HBS1L: variants seen among roughly 807,000 people sequenced by gnomAD.
HBS1L encodes the protein HBS1 like translational GTPase.
HBS1L carries 55 observed loss-of-function variants against 88.9 expected under a neutral mutation model. That is an observed-to-expected ratio of 0.62 (90% CI 0.50 to 0.77). HBS1L has a LOEUF of 0.77. Ranked by LOEUF, HBS1L falls within the 30% of genes least tolerant of loss-of-function variation. The pLI is 0.00. For synonymous variants in HBS1L, 267 were observed against 288.5 expected, an observed-to-expected ratio of 0.93 and a Z score of 0.76; for missense variants, 741 against 829.3, an observed-to-expected ratio of 0.89 and a Z score of 1.31.
intron 15 of HBS1L, among the ~76,000 whole-genome samples, chr6:134,970,129 C>T (rs1360405022): frequency 1.3e-5 from 2 of 151,966 alleles, no homozygotes; most frequent in Non-Finnish European, 2.9e-5. Flanking sequence ...AACTTTGGGG[C>T]AAGTTATTTT....
intron 4 of HBS1L, chr6:135,037,180 G>A: frequency 6.4e-7 from 1 of 1,551,690 alleles, no homozygotes; most frequent in Non-Finnish European, 8.7e-7. Flanking sequence ...TGATATTCCG[G>A]GTGAAGACTG....
chr6:134,980,343 AAAG>A lies in HBS1L; in HGVS notation c.1598-1078_1598-1076del, dbSNP rs545438097. Among the ~76,000 whole-genome samples the A allele has an allele frequency of 5.0e-3, 756 of 152,136 alleles. 4 individuals carry two copies. The highest frequency in any genetic ancestry group is 0.017 in the African/African-American group (714 of 41,544). On this transcript the variant is annotated intron_variant, in intron 13 of 17. Coordinates refer to ENST00000367837, the MANE Select transcript of HBS1L (RefSeq NM_006620.4). ...TGTGCACATCTGCATTAATCTGAGA[AAAG>A]AAGGCATAACTTTCTTCAGGTATCA...
At chr6:135,031,105 T>C (rs1290616074) in intron 4 of HBS1L, among the ~76,000 whole-genome samples, 1 of 152,130 alleles carries the variant, frequency 6.6e-6, no homozygotes, top group Non-Finnish European at 1.5e-5. Context: ...GTGCTTAGTA[T>C]TCTAAACACA....
At chr6:134,965,769 C>T (rs1174413118) in intron 17 of HBS1L, among the ~76,000 whole-genome samples, 1 of 152,172 alleles carries the variant, frequency 6.6e-6, no homozygotes, top group Non-Finnish European at 1.5e-5. Context: ...TCTTCACCTC[C>T]ACCCCACACC....
At position 134,978,766 on chromosome 6, in the gene HBS1L, G is replaced by A; in HGVS notation, c.1710C>T (p.Gly570=). The A allele has an allele frequency of 6.2e-7, 1 of 1,605,952 alleles. No individual in the cohort carries two copies. The highest frequency in any genetic ancestry group is 8.5e-7 in the Non-Finnish European group (1 of 1,175,550). ...TGCAAGCTTTAATGGGTACTTTGGG[G>A]CCACAAAATATGCAGCCAACACTGT... ...IKINVGCIFC[G]PKVPIKACTR... Residue 570 remains glycine (G), a synonymous_variant, in exon 15 of 18, where the codon GGC becomes GGT. Coordinates refer to ENST00000367837, the MANE Select transcript of HBS1L (RefSeq NM_006620.4).
rs538337722 is a variant in HBS1L at position 134,964,904 on chromosome 6, C to T, written c.*375G>A. On this transcript the variant is annotated 3_prime_UTR_variant, in exon 18 of 18. Transcript: ENST00000367837. ...AAGTTACTTTTCCTTAAAACATGTGCAGTATAATTGAATCAAAAGAGAAAA... is the reference window on the plus strand; with the variant it reads ...AAGTTACTTTTCCTTAAAACATGTGTAGTATAATTGAATCAAAAGAGAAAA... The T allele has an allele frequency of 1.1e-5, 2 of 186,354 alleles. No homozygotes were observed. Among genetic ancestry groups the T allele is most frequent in the African/African-American group, 4.8e-5 (2 of 41,550 alleles). The allele number at this position is 186,354 out of a possible 1,614,324, so 11.5% of individuals were successfully genotyped here. A position where few individuals can be genotyped will look rare whatever the true frequency, so the allele number is the denominator to read the frequency against.
At position 134,970,459 on chromosome 6, in the gene HBS1L, AC is replaced by A. The variant is rs572420060; in HGVS notation, c.1798-1122del. On this transcript the variant is annotated intron_variant, in intron 15 of 17. Coordinates refer to ENST00000367837, the MANE Select transcript of HBS1L (RefSeq NM_006620.4). ...GGGGCAATTTCTTTAACAATCTTCC[AC>A]CCCTAAAATCCCCAGCCTCTGGTTC... Among the ~76,000 whole-genome samples the A allele has an allele frequency of 1.1e-4, 16 of 152,072 alleles. No individual in the cohort carries two copies. In the East Asian group the frequency reaches 2.9e-3, roughly 28 times the overall value.
chr6:134,986,313 GA>G, intron 10 of HBS1L, 130 bp from the exon 11 acceptor site: 1 of 616,988 alleles, frequency 1.6e-6, no homozygotes. Flanking sequence ...AGAAATCACA[GA>G]ACTACAGCCC....
intron 1 of HBS1L, among the ~76,000 whole-genome samples, chr6:135,052,962 A>G (rs994270113): frequency 1.3e-5 from 2 of 152,236 alleles, no homozygotes; most frequent in African/African-American, 4.8e-5. Context: ...TGAGAATTCA[A>G]GAGAAAGCCT....
intron 4 of HBS1L, among the ~76,000 whole-genome samples, chr6:135,025,061 G>T (rs1385809524): frequency 6.6e-6 from 1 of 152,082 alleles, no homozygotes; most frequent in East Asian, 1.9e-4. Context: ...TGAAAAGGGG[G>T]TATCTAATCT....
chr6:134,997,539 G>A lies in HBS1L; in HGVS notation c.657C>T (p.Pro219=), dbSNP rs751829633. Residue 219 remains proline (P), a synonymous_variant, in exon 6 of 18, where the codon CCC becomes CCT. Coordinates refer to ENST00000367837, the MANE Select transcript of HBS1L (RefSeq NM_006620.4). ...GCTCTTCTGATGCTTGAATCGTGTG[G>A]GGTGGATTAGCAGATTTAGAAGCAG... The part of the protein sequence containing the change: ...LETASKSANP[P]HTIQASEEQS... 3 of 1,614,040 alleles carry A rather than the reference G, an allele frequency of 1.9e-6. No individual in the cohort carries two copies. In the South Asian group the frequency reaches 3.3e-5, roughly 18 times the overall value.
intron 4 of HBS1L, among the ~76,000 whole-genome samples, chr6:135,015,972 C>A (rs1230916785): frequency 6.6e-6 from 1 of 151,110 alleles, no homozygotes; most frequent in African/African-American, 2.4e-5. Flanking sequence ...GCAACCTCCG[C>A]CTTCCTGGGT....
chr6:135,045,691 T>G (rs1401976276), intron 2 of HBS1L, among the ~76,000 whole-genome samples: 1 of 152,040 alleles, frequency 6.6e-6, no homozygotes, highest in Non-Finnish European at 1.5e-5. Context: ...CAAAATTAGC[T>G]AGGCGTGGTG....
At chr6:134,992,437 G>A (rs939531472) in intron 8 of HBS1L, among the ~76,000 whole-genome samples, 4 of 152,078 alleles carry the variant, frequency 2.6e-5, no homozygotes, top group Non-Finnish European at 5.9e-5. Context: ...CTACTGCGCT[G>A]CCAATTGTAT....
intron 15 of HBS1L, 132 bp from the exon 16 acceptor site, chr6:134,969,470 T>C: frequency 1.6e-6 from 1 of 640,624 alleles, no homozygotes; most frequent in East Asian, 2.8e-5. Context: ...AGTTGCTTCC[T>C]CTAAGTCCCA....
chr6:135,001,276 C>A (rs1583096312), intron 5 of HBS1L, among the ~76,000 whole-genome samples: 2 of 152,146 alleles, frequency 1.3e-5, no homozygotes, highest in South Asian at 4.1e-4. Context: ...ATTGTACTTA[C>A]AGAGTTTTCA....
chr6:135,049,677 T>C (rs567022267), intron 2 of HBS1L, among the ~76,000 whole-genome samples: 3 of 152,302 alleles, frequency 2.0e-5, no homozygotes, highest in African/African-American at 7.2e-5. Context: ...GTTCAAGCAA[T>C]TCTCCTGCCT....
intron 9 of HBS1L, among the ~76,000 whole-genome samples, chr6:134,987,323 T>A (rs892711099): frequency 1.3e-5 from 2 of 152,182 alleles, no homozygotes; most frequent in Non-Finnish European, 2.9e-5. Context: ...TGAAATGTTA[T>A]AAGTTTCTGG....
intron 4 of HBS1L, among the ~76,000 whole-genome samples, chr6:135,008,001 G>A (rs530641738): frequency 4.6e-5 from 7 of 152,064 alleles, no homozygotes; most frequent in African/African-American, 1.2e-4. Flanking sequence ...CATGAAGTAC[G>A]TAAAATTTCC....
Sources: gnomAD v4.1 joint callset for allele counts (sites outside exome capture counted in the v4.1 genomes callset) on GRCh38, gnomAD v4.1.1 for gene constraint, MANE v1.5 for transcripts, NCBI Gene and HGNC (gene_info 2026-07-23, HGNC 2026-07-21) for gene names.